FGF14: variants seen among roughly 807,000 people sequenced by gnomAD.
The protein encoded by FGF14 is fibroblast growth factor homologous factor 4.
In FGF14, 5 loss-of-function variants were observed where a neutral mutation model predicts 25.5. The ratio of observed to expected loss-of-function variants is 0.20; its 90% CI spans 0.10 to 0.41. The LOEUF (loss-of-function observed/expected upper bound fraction) is 0.41. Ranked by LOEUF, FGF14 falls within the 10% of genes least tolerant of loss-of-function variation. FGF14 has a pLI of 1.00. For synonymous variants in FGF14, 138 were observed against 118.3 expected, an observed-to-expected ratio of 1.17 and a Z score of -1.08; for missense variants, 222 against 320.1, an observed-to-expected ratio of 0.69 and a Z score of 2.34.
chr13:102,151,607 T>C (rs1258432674), intron 1 of FGF14, among the ~76,000 whole-genome samples: 1 of 152,158 alleles, frequency 6.6e-6, no homozygotes, highest in Admixed American at 6.5e-5. Context: ...CAAGTGATTG[T>C]CCTGCCTTAG....
intron 1 of FGF14, among the ~76,000 whole-genome samples, chr13:102,137,418 T>G (rs2046459771): frequency 6.6e-6 from 1 of 152,230 alleles, no homozygotes; most frequent in African/African-American, 2.4e-5. Flanking sequence ...AGGCTGTAGA[T>G]TATTCCATAA....
At chr13:102,307,541 A>G (rs1000751371) in intron 1 of FGF14, among the ~76,000 whole-genome samples, 4 of 152,306 alleles carry the variant, frequency 2.6e-5, no homozygotes, top group African/African-American at 9.6e-5. Flanking sequence ...ACTTATTTTT[A>G]TGAACTTTTA....
chr13:101,870,751 C>T (rs1314277518), intron 2 of FGF14, among the ~76,000 whole-genome samples: 7 of 152,012 alleles, frequency 4.6e-5, no homozygotes, highest in African/African-American at 9.7e-5. Context: ...GTCAGGAGTT[C>T]GAGACCAGCC....
intron 1 of FGF14, among the ~76,000 whole-genome samples, chr13:102,365,831 T>C (rs2057696047): frequency 6.6e-6 from 1 of 152,188 alleles, no homozygotes; most frequent in Non-Finnish European, 1.5e-5. Flanking sequence ...TTTTTGTATA[T>C]GTAGACCTAC....
chr13:102,135,781 G>A (rs1041986916), intron 1 of FGF14, among the ~76,000 whole-genome samples: 4 of 151,992 alleles, frequency 2.6e-5, no homozygotes, highest in African/African-American at 9.7e-5. Flanking sequence ...TCAGCCTCCC[G>A]AGTAGCTGGG....
intron 1 of FGF14, among the ~76,000 whole-genome samples, chr13:102,043,565 C>T (rs1329873882): frequency 1.3e-5 from 2 of 152,118 alleles, no homozygotes; most frequent in East Asian, 1.9e-4. Flanking sequence ...ACTCTAAAGG[C>T]AGGTTTGAGG....
intron 1 of FGF14, among the ~76,000 whole-genome samples, chr13:102,352,761 G>A (rs984530388): frequency 1.4e-5 from 2 of 147,784 alleles, no homozygotes; most frequent in Non-Finnish European, 3.0e-5. Flanking sequence ...GCAGTGAGCC[G>A]AGATCGCGCC....
chr13:102,330,248 A>T (rs1018430837), intron 1 of FGF14, among the ~76,000 whole-genome samples: 3 of 151,670 alleles, frequency 2.0e-5, no homozygotes, highest in African/African-American at 4.8e-5. Context: ...AATGCCCTCA[A>T]CTCCCACAAG....
chr13:102,261,659 T>C (rs2052723643), intron 1 of FGF14, among the ~76,000 whole-genome samples: 1 of 152,178 alleles, frequency 6.6e-6, no homozygotes, highest in Non-Finnish European at 1.5e-5. Context: ...ATATCTTCTA[T>C]AAAAATACAT....
intron 3 of FGF14, among the ~76,000 whole-genome samples, chr13:101,820,839 A>G (rs1054212249): frequency 6.6e-6 from 1 of 151,566 alleles, no homozygotes; most frequent in African/African-American, 2.4e-5. Context: ...CACAGATACC[A>G]GATCAATAAA....
chr13:102,088,519 TA>T (rs2044027286), intron 1 of FGF14, among the ~76,000 whole-genome samples: 1 of 152,108 alleles, frequency 6.6e-6, no homozygotes, highest in African/African-American at 2.4e-5. Context: ...AGATATGGAG[TA>T]ATATTTAGGT....
intron 1 of FGF14, among the ~76,000 whole-genome samples, chr13:102,330,045 G>A (rs1048257971): frequency 4.6e-5 from 7 of 151,932 alleles, no homozygotes; most frequent in Non-Finnish European, 8.8e-5. Flanking sequence ...TCACACAACC[G>A]CTAACCCCAA....
At chr13:102,240,080 A>G (rs547018073) in intron 1 of FGF14, among the ~76,000 whole-genome samples, 1 of 152,332 alleles carries the variant, frequency 6.6e-6, no homozygotes, top group African/African-American at 2.4e-5. Context: ...ACTTCATAGC[A>G]TAGTCTATCT....
At chr13:102,401,843 T>A (rs2058709279), upstream of FGF14, 1 of 670,858 alleles carries the variant, frequency 1.5e-6, no homozygotes, top group Non-Finnish European at 2.6e-6. Context: ...AAATCCTTTT[T>A]CAGCATGAAG....
intron 3 of FGF14, among the ~76,000 whole-genome samples, chr13:101,781,272 G>T (rs973893937): frequency 6.6e-6 from 1 of 152,074 alleles, no homozygotes; most frequent in Non-Finnish European, 1.5e-5. Context: ...GTTTATCACT[G>T]CCTGAATTTC....
At chr13:101,909,130 T>C (rs2032605083) in intron 1 of FGF14, among the ~76,000 whole-genome samples, 1 of 152,112 alleles carries the variant, frequency 6.6e-6, no homozygotes, top group African/African-American at 2.4e-5. Flanking sequence ...CCTAAAACCA[T>C]AAAAACCCTA....
intron 1 of FGF14, chr13:102,002,960 C>A (rs1025544631): frequency 1.3e-5 from 2 of 152,290 alleles, no homozygotes; most frequent in African/African-American, 2.4e-5. Flanking sequence ...AATTAATAAA[C>A]CCAACACTGC....
At chr13:102,314,008 A>G (rs2055898803) in intron 1 of FGF14, among the ~76,000 whole-genome samples, 1 of 152,230 alleles carries the variant, frequency 6.6e-6, no homozygotes, top group Non-Finnish European at 1.5e-5. Context: ...CAGCCAGCAC[A>G]CAGACGACCA....
intron 1 of FGF14, among the ~76,000 whole-genome samples, chr13:102,191,531 A>T (rs554276849): frequency 3.3e-5 from 5 of 152,066 alleles, no homozygotes; most frequent in African/African-American, 9.6e-5. Context: ...CATTCACATG[A>T]TCTCATCTAA....
Sources: gnomAD v4.1 joint callset for allele counts (sites outside exome capture counted in the v4.1 genomes callset) on GRCh38, gnomAD v4.1.1 for gene constraint, MANE v1.5 for transcripts, NCBI Gene and HGNC (gene_info 2026-07-23, HGNC 2026-07-21) for gene names.